HTT: variants seen among roughly 807,000 people sequenced by gnomAD.
HTT encodes huntingtin, also known as huntington disease protein.
In HTT, 104 loss-of-function variants were observed where a neutral mutation model predicts 362.3. The observed-to-expected ratio is 0.29, with a 90% CI of 0.24 to 0.34. The LOEUF (loss-of-function observed/expected upper bound fraction) is 0.34, where lower values mean the gene tolerates loss of function less well. HTT is among the 10% of genes least tolerant of loss of function. The probability of loss-of-function intolerance (pLI) is 1.00; values close to 1 mark genes in which losing one functional copy is unlikely to be tolerated. For synonymous variants in HTT, 1,577 were observed against 1,548.7 expected (o/e 1.02, Z -0.43); for missense variants, 3,301 against 3,928.6 (o/e 0.84, Z 4.27).
At chr4:3,079,047 G>A (rs955792753) in intron 1 of HTT, among the ~76,000 whole-genome samples, 3 of 151,492 alleles carry the variant, frequency 2.0e-5, no homozygotes, top group Non-Finnish European at 2.9e-5. Context: ...CACTGTGCCC[G>A]GCCACGCCTG....
At chr4:3,091,547 A>G (rs1713510689) in intron 2 of HTT, among the ~76,000 whole-genome samples, 1 of 152,222 alleles carries the variant, frequency 6.6e-6, no homozygotes, top group African/African-American at 2.4e-5. Flanking sequence ...ATATAGATCA[A>G]AGGTTACTAG....
Position 3,209,897 on chromosome 4 carries a change from A to G in HTT, c.6362A>G (p.Glu2121Gly). The change falls in exon 47 of 67, where the codon GAG (glutamate) becomes GGG (glycine). Residue 2121 changes from glutamate (E) to glycine (G), a missense_variant. Glu to Gly is a moderately conservative substitution (Grantham distance 98). Coordinates refer to ENST00000355072, the MANE Select transcript of HTT (RefSeq NM_001388492.1). Reference protein sequence around the residue: ...RSDSALLEGAELVNRIPAEDM... With the variant: ...RSDSALLEGAGLVNRIPAEDM... ...GATTCTGCACTGCTGGAAGGTGCAG[A>G]GCTGGTGAATCGGATTCCTGCTGAA... 6.2e-7 allele frequency: 1 copy of G among 1,614,190 alleles called. No individual in the cohort carries two copies. The highest frequency in any genetic ancestry group is 1.1e-5 in the South Asian group (1 of 91,078).
Position 3,241,825 on chromosome 4 carries a change from G to C in HTT, c.*1766G>C, listed in dbSNP as rs1721812621. 6.6e-6 allele frequency: 1 copy of C among 152,236 alleles called. No homozygotes were observed. Among genetic ancestry groups the C allele is most frequent in the African/African-American group, 2.4e-5 (1 of 41,436 alleles). 9.4% of individuals were successfully genotyped at this position (152,236 alleles called of 1,614,324 possible). A position where few individuals can be genotyped will look rare whatever the true frequency, so the allele number is the denominator to read the frequency against. ...GCTTTTCCCACCAGCTCCCAACAGA[G>C]GCCTCCCCCAGCCAGGACCACCTCG... On this transcript the variant is annotated 3_prime_UTR_variant, in exon 67 of 67. Coordinates refer to ENST00000355072, the MANE Select transcript of HTT (RefSeq NM_001388492.1).
chr4:3,127,823 G>T (rs1715595914), intron 12 of HTT, among the ~76,000 whole-genome samples: 1 of 151,768 alleles, frequency 6.6e-6, no homozygotes, highest in Admixed American at 6.6e-5. Context: ...AATTAGTTGG[G>T]CGTGGTGGCA....
At chr4:3,140,138 G>A (rs7692292) in intron 21 of HTT, among the ~76,000 whole-genome samples, 8,560 of 152,048 alleles carry the variant, frequency 0.056, 292 homozygotes, top group African/African-American at 0.094. Context: ...GCAGGCGCCT[G>A]TAATCCCAGC....
intron 40 of HTT, among the ~76,000 whole-genome samples, chr4:3,196,539 A>G (rs1235628348): frequency 6.6e-6 from 1 of 152,156 alleles, no homozygotes; most frequent in Admixed American, 6.5e-5. Flanking sequence ...GGAGTTTGAG[A>G]TTAGCCTGAG....
chr4:3,127,678 T>A, intron 12 of HTT, 74 bp downstream of exon 12: 1 of 1,143,272 alleles, frequency 8.7e-7, no homozygotes, highest in Non-Finnish European at 1.3e-6. Context: ...CATAGTGCAG[T>A]GGAGGCCGGG....
chr4:3,212,509 A>G, intron 48 of HTT, 55 bp from the exon 49 acceptor site: 1 of 1,578,402 alleles, frequency 6.3e-7, no homozygotes, highest in South Asian at 1.1e-5. Context: ...TGCCTTTCGA[A>G]GTTGATGCAT....
At chr4:3,174,233 C>A (rs1578560343) in intron 31 of HTT, among the ~76,000 whole-genome samples, 1 of 152,122 alleles carries the variant, frequency 6.6e-6, no homozygotes, top group Non-Finnish European at 1.5e-5. Context: ...AAGTCTGTTT[C>A]AATGCTTTCT....
At chr4:3,170,483 T>C (rs1245870302) in intron 29 of HTT, among the ~76,000 whole-genome samples, 1 of 152,218 alleles carries the variant, frequency 6.6e-6, no homozygotes, top group East Asian at 1.9e-4. Context: ...TTTCCAATGC[T>C]TCTTTCCCTG....
At chr4:3,214,996 C>A in intron 50 of HTT, 114 bp from the exon 51 acceptor site, 2 of 775,380 alleles carry the variant, frequency 2.6e-6, no homozygotes, top group Admixed American at 2.5e-5. Context: ...GGAATCTAGG[C>A]TAGTCTGTCT....
chr4:3,213,905 C>A, intron 49 of HTT, 53 bp from the exon 50 acceptor site: 1 of 1,431,258 alleles, frequency 7.0e-7, no homozygotes, highest in Non-Finnish European at 9.3e-7. Flanking sequence ...CACACGGCTT[C>A]CCCAAACGAA....
intron 42 of HTT, among the ~76,000 whole-genome samples, chr4:3,204,629 C>T (rs1719764365): frequency 1.3e-5 from 2 of 152,088 alleles, no homozygotes; most frequent in Admixed American, 1.3e-4. Flanking sequence ...GAGTTTGAGA[C>T]AAGCCTGGGC....
At chr4:3,219,353 C>T (rs967794425) in intron 52 of HTT, among the ~76,000 whole-genome samples, 9 of 152,114 alleles carry the variant, frequency 5.9e-5, no homozygotes, top group African/African-American at 1.4e-4. Flanking sequence ...TAGGCCAGGA[C>T]GGGCTGCACG....
chr4:3,212,894 C>T (rs1055125354), intron 49 of HTT, 185 bp downstream of exon 49: 5 of 633,072 alleles, frequency 7.9e-6, no homozygotes, highest in African/African-American at 3.7e-5. Flanking sequence ...CCTCACCTCG[C>T]CACTCCTCAT....
intron 12 of HTT, 156 bp from the exon 13 acceptor site, chr4:3,129,768 A>G: frequency 1.3e-6 from 1 of 791,206 alleles, no homozygotes; most frequent in Middle Eastern, 3.7e-4. Context: ...AGCAGTTTCC[A>G]TGCGTGCATT....
At chr4:3,096,032 A>G (rs567951977) in intron 2 of HTT, among the ~76,000 whole-genome samples, 11 of 152,238 alleles carry the variant, frequency 7.2e-5, no homozygotes, top group Non-Finnish European at 1.3e-4. Context: ...AACAGAACGG[A>G]AAGAAGTTCA....
In HTT at chr4:3,170,103, A is replaced by G. The variant is rs1421094926; in HGVS notation, c.3865-2217A>G. 5.9e-5 allele frequency among the ~76,000 whole-genome samples: 9 copies of G among 152,016 alleles called. No homozygotes were observed. The East Asian group carries it at 1.5e-3, about 26-fold the overall frequency. ...GGGTTGTATTTTCCTGCCTCTTTGT[A>G]TGGCTGCCAATTTTTTATTGGATGC... On this transcript the variant is annotated intron_variant, in intron 29 of 66. Transcript: ENST00000355072.
At chr4:3,229,588 A>G (rs1454248647) in intron 59 of HTT, among the ~76,000 whole-genome samples, 5 of 150,258 alleles carry the variant, frequency 3.3e-5, no homozygotes, top group Admixed American at 2.6e-4. Flanking sequence ...ACATGTATAT[A>G]CACACCCCAC....
Sources: allele counts gnomAD v4.1 joint callset (sites outside exome capture counted in the v4.1 genomes callset), GRCh38; gene constraint gnomAD v4.1.1; transcripts MANE v1.5; gene names NCBI Gene and HGNC (gene_info 2026-07-23, HGNC 2026-07-21).